The following SYMPK variants were observed in gnomAD, a reference collection of about 807,000 sequenced individuals.
The protein encoded by SYMPK is symplekin scaffold protein.
A neutral mutation model predicts 136.4 loss-of-function variants in SYMPK; 49 were observed. The observed-to-expected ratio is 0.36, with a 90% CI of 0.29 to 0.46. SYMPK has a LOEUF of 0.46. Ranked by LOEUF, SYMPK falls within the 20% of genes least tolerant of loss-of-function variation. The probability of loss-of-function intolerance (pLI) is 1.00; values close to 1 mark genes in which losing one functional copy is unlikely to be tolerated. For synonymous variants in SYMPK, 766 were observed against 713.0 expected (o/e 1.07, Z -1.19); for missense variants, 1,365 against 1,690.0 (o/e 0.81, Z 3.37).
In SYMPK at chr19:45,816,983, G is replaced by A; in HGVS notation, c.3082-9C>T. The A allele has an allele frequency of 6.4e-7, 1 of 1,554,626 alleles. No individual in the cohort carries two copies. The highest frequency in any genetic ancestry group is 1.2e-5 in the South Asian group (1 of 84,172). Reference sequence around the variant, plus strand: ...TTGGGGTACTTCCACACCTGAACCAGGGAGGGAGGGAGCCGTCGGGAGAGG... The same window carrying A: ...TTGGGGTACTTCCACACCTGAACCAAGGAGGGAGGGAGCCGTCGGGAGAGG... On this transcript the variant is annotated splice_polypyrimidine_tract_variant and intron_variant, in intron 23 of 26. Coordinates refer to ENST00000245934, the MANE Select transcript of SYMPK (RefSeq NM_004819.3).
Position 45,847,839 on chromosome 19 carries a change from GGGGTGACA to G in SYMPK, c.581_588del (p.Leu194ProfsTer4). The G allele has an allele frequency of 1.2e-6, 2 of 1,614,050 alleles. No homozygotes were observed. The highest frequency in any genetic ancestry group is 1.7e-6 in the Non-Finnish European group (2 of 1,180,018). The stretch of plus-strand genomic sequence containing the variant: ...CGGGGTATCTCTGAGTCAGCCATGC[GGGGTGACA>G]GGGTGACAATGAGGCCCTCCACAAA... On this transcript the variant is annotated frameshift_variant, in exon 7 of 27. Transcript: ENST00000245934. LOFTEE classifies it high-confidence loss of function.
intron 22 of SYMPK, among the ~76,000 whole-genome samples, chr19:45,818,708 G>A (rs1293900300): frequency 6.6e-6 from 1 of 152,112 alleles, no homozygotes; most frequent in Non-Finnish European, 1.5e-5. Context: ...GAAGGCTGGG[G>A]CCGGGGCATA....
chr19:45,818,404 C>T (rs1399533521), intron 22 of SYMPK, among the ~76,000 whole-genome samples: 2 of 152,178 alleles, frequency 1.3e-5, no homozygotes, highest in Non-Finnish European at 2.9e-5. Flanking sequence ...GAACAGGGAA[C>T]CCGTGGCCCC....
chr19:45,816,499 C>A lies in SYMPK; in HGVS notation c.3337G>T (p.Ala1113Ser), dbSNP rs1402375857. The A allele has an allele frequency of 5.0e-6, 8 of 1,613,048 alleles. No individual in the cohort carries two copies. In the East Asian group the frequency reaches 1.8e-4, roughly 36 times the overall value. ...KQEPEAKEAP[A>S]GPLEEDDLEP... ...GCCCTCACCTCCTCCAAGGGCCCCG[C>A]AGGCGCCTCCTTGGCCTCTGGCTCC... Residue 1113 changes from alanine (A) to serine (S), a missense_variant, in exon 25 of 27, where the codon GCG becomes TCG. Physicochemically the swap from Ala to Ser is moderately conservative, Grantham distance 99. Transcript: ENST00000245934.
chr19:45,859,862 C>G (rs376052889), intron 1 of SYMPK, among the ~76,000 whole-genome samples: 1 of 148,466 alleles, frequency 6.7e-6, no homozygotes, highest in Non-Finnish European at 1.5e-5. Flanking sequence ...GGCAACACAG[C>G]GACACACCAT....
At chr19:45,851,456 A>T (rs1027654033) in intron 5 of SYMPK, among the ~76,000 whole-genome samples, 2 of 151,980 alleles carry the variant, frequency 1.3e-5, no homozygotes, top group African/African-American at 4.8e-5. Flanking sequence ...ACGCACCTGT[A>T]ATCCCAGCTA....
chr19:45,838,213 G>T (rs1005839389), intron 10 of SYMPK, among the ~76,000 whole-genome samples: 1 of 151,890 alleles, frequency 6.6e-6, no homozygotes, highest in Admixed American at 6.6e-5. Context: ...TCTGCCACAC[G>T]AGATGCCTGC....
rs939630621 is a variant in SYMPK, at chr19:45,816,068, T to C, written c.3470A>G (p.Gln1157Arg). The part of the protein sequence containing the change: ...KALKRQLEEE[Q>R]KLKPGGVGAP... ...TCCCACTCCTCCCGGCTTCAGCTTC[T>C]GTTCCTCCTCCAGCTGCCGCTTTAA... The change falls in exon 26 of 27, where the codon CAG (glutamine) becomes CGG (arginine). Residue 1157 changes from glutamine to arginine, a missense_variant. By Grantham distance (43) the Gln-to-Arg change is conservative. This residue lies in a region of SYMPK where 341 missense variants were observed against 270.5 expected (regional missense o/e 1.26). Transcript: ENST00000245934. 10 of 1,561,646 alleles carry C rather than the reference T, an allele frequency of 6.4e-6. No individual in the cohort carries two copies. Among genetic ancestry groups the C allele is most frequent in the South Asian group, 1.2e-5 (1 of 85,304 alleles).
intron 14 of SYMPK, chr19:45,828,591 C>A (rs1007222464): frequency 8.5e-6 from 2 of 235,112 alleles, no homozygotes; most frequent in Middle Eastern, 1.6e-3. Context: ...CTGGAGGCCA[C>A]GGATAGGGAG....
At chr19:45,820,357 T>TG (rs761113492) in intron 22 of SYMPK, 1 of 152,264 alleles carries the variant, frequency 6.6e-6, no homozygotes, top group Non-Finnish European at 1.5e-5. Flanking sequence ...GAGGCCTTGG[T>TG]GCCTCCTGGG....
chr19:45,830,173 A>G lies in SYMPK; in HGVS notation c.1630T>C (p.Phe544Leu). Residue 544 changes from phenylalanine to leucine, a missense_variant, in exon 13 of 27, where the codon TTC becomes CTC. Phe to Leu is a conservative substitution (Grantham distance 22, BLOSUM62 0). Around this residue, in one of 11 missense-constraint regions of SYMPK, gnomAD observed 303 missense variants for 326.6 expected, o/e 0.93. Transcript: ENST00000245934. Reference sequence around the variant, plus strand: ...GGCTTCAGCACGTCGCTGAGACGGAAAATTTTCTTGCGCCCACCAGCGCCT... The same window carrying G: ...GGCTTCAGCACGTCGCTGAGACGGAGAATTTTCTTGCGCCCACCAGCGCCT... Reference protein sequence around the residue: ...LAGAGGRKKIFRLSDVLKPLT... With the variant: ...LAGAGGRKKILRLSDVLKPLT... The G allele has an allele frequency of 6.2e-7, 1 of 1,610,204 alleles. No homozygotes were observed.
Position 45,852,304 on chromosome 19 carries a change from C to G in SYMPK, c.299+8G>C. The G allele has an allele frequency of 6.2e-7, 1 of 1,614,242 alleles. No homozygotes were observed. Among genetic ancestry groups the G allele is most frequent in the Non-Finnish European group, 8.5e-7 (1 of 1,180,036 alleles). On this transcript the variant is annotated splice_region_variant and intron_variant, in intron 5 of 26. Transcript: ENST00000245934. ...AATGCTCCCGGGGCTCCGTGCCTCGCCCCATACCATGCCTCCTCGATGAAG... is the reference window on the plus strand; with the variant it reads ...AATGCTCCCGGGGCTCCGTGCCTCGGCCCATACCATGCCTCCTCGATGAAG...
chr19:45,831,449 G>T lies in SYMPK; in HGVS notation c.1533C>A (p.Pro511=), dbSNP rs375117453. ...SVVGSLSSMS[P]LEEEAPQAKR... Reference sequence around the variant, plus strand: ...TGGCCTGCGGTGCCTCTTCCTCCAGGGGGGACATGGAGCTCAGGGAACCCA... The same window carrying T: ...TGGCCTGCGGTGCCTCTTCCTCCAGTGGGGACATGGAGCTCAGGGAACCCA... Residue 511 remains proline (P), a synonymous_variant, in exon 12 of 27, where the codon CCC becomes CCA. Coordinates refer to ENST00000245934, the MANE Select transcript of SYMPK (RefSeq NM_004819.3). 7.5e-6 allele frequency: 12 copies of T among 1,608,366 alleles called. No homozygotes were observed. Among genetic ancestry groups the T allele is most frequent in the Non-Finnish European group, 9.3e-6 (11 of 1,177,648 alleles).
At chr19:45,825,370 C>T in intron 17 of SYMPK, 39 bp from the exon 18 acceptor site, 2 of 1,600,326 alleles carry the variant, frequency 1.2e-6, no homozygotes, top group Non-Finnish European at 1.7e-6. Flanking sequence ...GGCCCACACT[C>T]TTCTCCAACC....
At position 45,838,448 on chromosome 19, in the gene SYMPK, C is replaced by T; in HGVS notation, c.1242+13G>A. ...TCCTGCCCAGGGGGAAAACGCTCCC[C>T]ACCCATCCTCACCAGATTAGCCACA... is the stretch of plus-strand genomic sequence containing the variant. On this transcript the variant is annotated intron_variant, in intron 10 of 26. Transcript: ENST00000245934. 6.2e-7 allele frequency: 1 copy of T among 1,608,344 alleles called. No individual in the cohort carries two copies. The highest frequency in any genetic ancestry group is 8.5e-7 in the Non-Finnish European group (1 of 1,175,634).
intron 8 of SYMPK, 168 bp from the exon 9 acceptor site, chr19:45,842,657 A>C: frequency 1.2e-6 from 1 of 860,672 alleles, no homozygotes; most frequent in Non-Finnish European, 1.7e-6. Context: ...CTGATGCTTC[A>C]AACCCTGGGG....
At chr19:45,827,418 G>C in intron 16 of SYMPK, 92 bp downstream of exon 16, 2 of 820,152 alleles carry the variant, frequency 2.4e-6, no homozygotes, top group Non-Finnish European at 4.2e-6. Context: ...ACTTGCAAGG[G>C]AGTGTGGAAG....
chr19:45,827,383 G>C (rs764131226), intron 16 of SYMPK, 127 bp downstream of exon 16: 95 of 669,162 alleles, frequency 1.4e-4, no homozygotes, highest in Non-Finnish European at 1.7e-4. Context: ...AAAAACCACT[G>C]AAAGAAGGGA....
intron 21 of SYMPK, among the ~76,000 whole-genome samples, chr19:45,822,309 G>A (rs990498487): frequency 1.3e-5 from 2 of 151,912 alleles, no homozygotes. Context: ...TAGTAGAGAC[G>A]GGGTTTCACT....
Sources: allele counts gnomAD v4.1 joint callset (sites outside exome capture counted in the v4.1 genomes callset), GRCh38; gene constraint gnomAD v4.1.1; regional missense constraint gnomAD v4.1.1; transcripts MANE v1.5; gene names NCBI Gene and HGNC (gene_info 2026-07-23, HGNC 2026-07-21).